The following SEC14L1 variants were observed in gnomAD, a reference collection of about 807,000 sequenced individuals.
SEC14L1 encodes SEC14-like protein 1.
SEC14L1 carries 48 observed loss-of-function variants against 85.3 expected under a neutral mutation model. The ratio of observed to expected loss-of-function variants is 0.56; its 90% CI spans 0.45 to 0.72. The LOEUF (loss-of-function observed/expected upper bound fraction) is 0.72. Among genes scored for constraint, SEC14L1 ranks in the 30% least tolerant of loss-of-function variants. SEC14L1 has a pLI of 0.00. For synonymous variants in SEC14L1, 391 were observed against 355.5 expected, an observed-to-expected ratio of 1.10 and a Z score of -1.12; for missense variants, 682 against 921.4, an observed-to-expected ratio of 0.74 and a Z score of 3.36.
chr17:77,163,166 C>A (rs1974142312), intron 3 of SEC14L1, among the ~76,000 whole-genome samples: 1 of 152,120 alleles, frequency 6.6e-6, no homozygotes, highest in Non-Finnish European at 1.5e-5. Context: ...TTGAGTTCTG[C>A]TCTCAGCGAG....
upstream of SEC14L1, among the ~76,000 whole-genome samples, chr17:77,140,036 G>T (rs776737423): frequency 6.6e-6 from 1 of 152,184 alleles, no homozygotes; most frequent in Non-Finnish European, 1.5e-5. Context: ...AATGTGAACG[G>T]AACAACAGTG....
chr17:77,214,376 T>G lies in SEC14L1; in HGVS notation c.*353T>G. ...TTCCAACGAACTCCGCATTGTCCAT[T>G]AGTGAATGAATTCCTGTGACATCCT... On this transcript the variant is annotated 3_prime_UTR_variant, in exon 17 of 17. Coordinates refer to ENST00000436233, the MANE Select transcript of SEC14L1 (RefSeq NM_001143998.2). The G allele has an allele frequency of 9.8e-7, 1 of 1,022,122 alleles. No homozygotes were observed. The highest frequency in any genetic ancestry group is 1.2e-6 in the Non-Finnish European group (1 of 851,694). The allele number at this position is 1,022,122 out of a possible 1,614,324, so 63.3% of individuals were successfully genotyped here.
rs1203219027 is a variant in SEC14L1, at chr17:77,214,077, A to G, written c.*54A>G. 6.3e-7 allele frequency: 1 copy of G among 1,579,136 alleles called. No homozygotes were observed. The highest frequency in any genetic ancestry group is 1.3e-5 in the African/African-American group (1 of 74,156). ...AGGGGACGGCCGCCCCTCCTCGGAC[A>G]GCCAGCTGCACCCGCCCACCCAGCG... On this transcript the variant is annotated 3_prime_UTR_variant, in exon 17 of 17. Transcript: ENST00000436233.
chr17:77,136,211 T>C (rs1191716136), upstream of SEC14L1, among the ~76,000 whole-genome samples: 4 of 151,244 alleles, frequency 2.6e-5, no homozygotes, highest in African/African-American at 9.7e-5. Flanking sequence ...CTTTCTTTCT[T>C]TTTCTTTTCT....
At chr17:77,212,900 C>CTTA (rs1231634187) in intron 15 of SEC14L1, 1 of 192,620 alleles carries the variant, frequency 5.2e-6, no homozygotes, top group East Asian at 1.5e-4. Context: ...TGACGGCTCA[C>CTTA]TTTAGGGTGA....
At chr17:77,209,292 G>A (rs2143193956) in intron 13 of SEC14L1, 50 bp from the exon 14 acceptor site, 1 of 1,605,186 alleles carries the variant, frequency 6.2e-7, no homozygotes, top group Non-Finnish European at 8.5e-7. Context: ...TGGGTTTCGT[G>A]GGGTTGGTTT....
intron 14 of SEC14L1, 74 bp downstream of exon 14, chr17:77,209,550 GCAGCCTTTCATT>G: frequency 6.5e-7 from 1 of 1,526,958 alleles, no homozygotes; most frequent in Non-Finnish European, 8.9e-7. Context: ...GGGCTTCCTG[GCAGCCTTTCATT>G]CAGAACAGTC....
chr17:77,213,535 C>A lies in SEC14L1; in HGVS notation c.2042+43C>A. The A allele has an allele frequency of 2.5e-6, 4 of 1,598,094 alleles. No individual in the cohort carries two copies. Among genetic ancestry groups the A allele is most frequent in the Non-Finnish European group, 3.4e-6 (4 of 1,178,160 alleles). ...ACAGCAGGTGCTGCGGACAGCTGGG[C>A]ATGGTTGGAGGGAGCCTGCAGTCCC... On this transcript the variant is annotated intron_variant, in intron 16 of 16. Transcript: ENST00000436233. This position sits in a 1 kb window ranked among gnomAD's most constrained non-coding sequence, Gnocchi z 7.1.
rs200781196 is a variant in SEC14L1, at chr17:77,189,626, GGTTTT to G, written c.64-1160_64-1156del. ...TTTGTTTTTTCATTCTCTTAACAGG[GGTTTT>G]GTTTTGTTTTGTTTTGAGATGGAAT... On this transcript the variant is annotated intron_variant, in intron 3 of 16. Transcript: ENST00000436233. 2.4e-3 allele frequency among the ~76,000 whole-genome samples: 369 copies of G among 152,022 alleles called. 2 individuals carry two copies. The highest frequency in any genetic ancestry group is 8.0e-3 in the African/African-American group (330 of 41,486).
In SEC14L1 at chr17:77,193,300, A is replaced by G. The variant is rs182640148; in HGVS notation, c.346-121A>G. The G allele has an allele frequency of 9.5e-5, 86 of 900,892 alleles. 1 individual carries two copies. Among genetic ancestry groups the G allele is most frequent in the Middle Eastern group, 7.5e-4 (2 of 2,654 alleles). The allele number at this position is 900,892 out of a possible 1,614,324, so 55.8% of individuals were successfully genotyped here. On this transcript the variant is annotated intron_variant, in intron 5 of 16. Coordinates refer to ENST00000436233, the MANE Select transcript of SEC14L1 (RefSeq NM_001143998.2). ...GGCATTTTTTCCATCTGCTGTCTTTATGGTAGTAGCATTGTTAGTAACGTA... is the reference window on the plus strand; with the variant it reads ...GGCATTTTTTCCATCTGCTGTCTTTGTGGTAGTAGCATTGTTAGTAACGTA...
chr17:77,090,545 C>T (rs1196201020), intron 2 of SEC14L1, among the ~76,000 whole-genome samples: 1 of 148,896 alleles, frequency 6.7e-6, no homozygotes, highest in Non-Finnish European at 1.5e-5. Context: ...GACTAGAAGG[C>T]TTTTCTGAGG....
chr17:77,161,245 G>T (rs1165034912), intron 3 of SEC14L1, among the ~76,000 whole-genome samples: 1 of 152,226 alleles, frequency 6.6e-6, no homozygotes, highest in Admixed American at 6.5e-5. Flanking sequence ...CCAGTCCTTT[G>T]GGAGGCCAAG....
At chr17:77,189,622 C>T (rs1975425454) in intron 3 of SEC14L1, among the ~76,000 whole-genome samples, 2 of 150,604 alleles carry the variant, frequency 1.3e-5, no homozygotes, top group South Asian at 4.3e-4. Flanking sequence ...ATTCTCTTAA[C>T]AGGGGTTTTG....
At chr17:77,188,145 C>T (rs1211597593) in intron 3 of SEC14L1, among the ~76,000 whole-genome samples, 2 of 152,198 alleles carry the variant, frequency 1.3e-5, no homozygotes, top group Non-Finnish European at 2.9e-5. Context: ...TGAAAGATCT[C>T]ATGTGTTCTT....
intron 3 of SEC14L1, among the ~76,000 whole-genome samples, chr17:77,128,273 T>TG (rs1972507656): frequency 6.6e-6 from 1 of 152,090 alleles, no homozygotes; most frequent in South Asian, 2.1e-4. Context: ...AGTAGGCAGC[T>TG]GGGGGTCACC....
rs1323069505 is a variant in SEC14L1, at chr17:77,150,496, A to G, written c.63+6837A>G. ...TGCATCTCTGTTAGATCAAATAGGC[A>G]TTTATATTGAAGCTCTTTCATCCAT... On this transcript the variant is annotated intron_variant, in intron 3 of 16. Transcript: ENST00000436233. Among the ~76,000 whole-genome samples the G allele has an allele frequency of 3.9e-5, 6 of 152,346 alleles. No homozygotes were observed. The South Asian group carries it at 8.3e-4, about 21-fold the overall frequency.
chr17:77,181,261 C>T (rs557144390), intron 3 of SEC14L1: 2 of 152,532 alleles, frequency 1.3e-5, no homozygotes, highest in African/African-American at 4.8e-5. Context: ...CCTCTGCAGA[C>T]ATCACCACCC....
chr17:77,153,857 T>G (rs1973683882), intron 3 of SEC14L1, among the ~76,000 whole-genome samples: 1 of 152,212 alleles, frequency 6.6e-6, no homozygotes, highest in Non-Finnish European at 1.5e-5. Flanking sequence ...TTGATCCATC[T>G]CTCTTGATTT....
chr17:77,098,808 C>G (rs1971704518), intron 3 of SEC14L1, among the ~76,000 whole-genome samples: 1 of 152,198 alleles, frequency 6.6e-6, no homozygotes, highest in African/African-American at 2.4e-5. Context: ...TCCCTGAACA[C>G]TACTTCTACA....
Sources: gnomAD v4.1 joint callset for allele counts (sites outside exome capture counted in the v4.1 genomes callset) on GRCh38, gnomAD v4.1.1 for gene constraint, Gnocchi (gnomAD v3.1) non-coding constraint, MANE v1.5 for transcripts, NCBI Gene and HGNC (gene_info 2026-07-23, HGNC 2026-07-21) for gene names.